Variants in WWOX observed in about 807,000 individuals in gnomAD.
WWOX encodes the protein WW domain-containing oxidoreductase.
In WWOX, 69 loss-of-function variants were observed where a neutral mutation model predicts 46.2. The observed-to-expected ratio is 1.49, with a 90% CI of 1.23 to 1.82. The LOEUF (loss-of-function observed/expected upper bound fraction) is 1.82, where lower values mean the gene tolerates loss of function less well. WWOX is among the 40% of genes most tolerant of loss of function. WWOX has a pLI of 0.00. For missense variants in WWOX, 919 were observed against 542.6 expected (o/e 1.69, Z -6.89); for synonymous variants, 359 against 202.6 (o/e 1.77, Z -6.56).
intron 8 of WWOX, among the ~76,000 whole-genome samples, chr16:78,833,366 C>T (rs2051885288): frequency 6.6e-6 from 1 of 152,126 alleles, no homozygotes; most frequent in Non-Finnish European, 1.5e-5. Flanking sequence ...CTCTTTCCTG[C>T]ATACAGCTTG....
rs138537937 is a variant in WWOX at position 78,130,881 on chromosome 16, G to C, written c.409+15727G>C. 2.1e-3 allele frequency among the ~76,000 whole-genome samples: 314 copies of C among 152,320 alleles called. 2 individuals are homozygous for C. Among genetic ancestry groups the C allele is most frequent in the African/African-American group, 7.0e-3 (291 of 41,548 alleles). ...GAATGACAGAGATATGATCTGAGAA[G>C]TGTGTCAGGCAGTGTCATCGTTGTG... is the stretch of plus-strand genomic sequence containing the variant. On this transcript the variant is annotated intron_variant, in intron 4 of 8. Transcript: ENST00000566780.
intron 5 of WWOX, among the ~76,000 whole-genome samples, chr16:78,280,442 A>G (rs2079655901): frequency 6.6e-6 from 1 of 152,248 alleles, no homozygotes; most frequent in Non-Finnish European, 1.5e-5. Context: ...CGTTACCTGT[A>G]GGATATGTAT....
rs563530431 is a variant in WWOX, at chr16:78,525,978, G to A, written c.1056+93226G>A. The A allele has an allele frequency of 3.9e-5, 6 of 152,266 alleles. No homozygotes were observed. In the East Asian group the frequency reaches 9.7e-4, roughly 25 times the overall value. The allele number at this position is 152,266 out of a possible 1,614,324, so 9.4% of individuals were successfully genotyped here. A position where few individuals can be genotyped will look rare whatever the true frequency, so the allele number is the denominator to read the frequency against. On this transcript the variant is annotated intron_variant, in intron 8 of 8. Coordinates refer to ENST00000566780, the MANE Select transcript of WWOX (RefSeq NM_016373.4). The stretch of plus-strand genomic sequence containing the variant: ...GAACATTGTATTTTATGGTTGCAGA[G>A]CACATGTATCATCCTATCTGCTTCT...
chr16:78,873,876 C>T (rs1003029196), intron 8 of WWOX, among the ~76,000 whole-genome samples: 6 of 151,980 alleles, frequency 3.9e-5, no homozygotes, highest in African/African-American at 7.2e-5. Context: ...GGGAGTATAG[C>T]GAGGGGCAAT....
intron 8 of WWOX, among the ~76,000 whole-genome samples, chr16:78,495,003 G>A (rs1356400586): frequency 6.6e-6 from 1 of 152,062 alleles, no homozygotes; most frequent in Non-Finnish European, 1.5e-5. Flanking sequence ...AAACCCAGGG[G>A]GTCAAGCCCC....
At chr16:78,752,625 C>G (rs2049513721) in intron 8 of WWOX, among the ~76,000 whole-genome samples, 1 of 152,168 alleles carries the variant, frequency 6.6e-6, no homozygotes, top group Non-Finnish European at 1.5e-5. Flanking sequence ...TTTTTAAACT[C>G]ACTTTCAAAT....
At chr16:78,716,134 A>C (rs1204703777) in intron 8 of WWOX, among the ~76,000 whole-genome samples, 1 of 152,156 alleles carries the variant, frequency 6.6e-6, no homozygotes. Flanking sequence ...CAATATGCAC[A>C]TAAAGGGGAA....
chr16:78,462,132 T>A (rs1393295794), intron 8 of WWOX, among the ~76,000 whole-genome samples: 1 of 152,260 alleles, frequency 6.6e-6, no homozygotes, highest in Non-Finnish European at 1.5e-5. Context: ...CAAGTTCCTC[T>A]GAGTATTACA....
At chr16:78,791,457 C>T (rs1363426290) in intron 8 of WWOX, among the ~76,000 whole-genome samples, 6 of 152,272 alleles carry the variant, frequency 3.9e-5, no homozygotes, top group East Asian at 1.9e-4. Context: ...CCAGGGCTGG[C>T]TGAGTGACTC....
chr16:78,117,731 G>C (rs1403952436), intron 4 of WWOX, among the ~76,000 whole-genome samples: 2 of 152,158 alleles, frequency 1.3e-5, no homozygotes, highest in Non-Finnish European at 2.9e-5. Flanking sequence ...TGAATGCCGA[G>C]TGAGTGAATT....
At chr16:78,939,214 C>A (rs1241646890) in intron 8 of WWOX, among the ~76,000 whole-genome samples, 4 of 152,084 alleles carry the variant, frequency 2.6e-5, no homozygotes, top group Non-Finnish European at 4.4e-5. Context: ...CATGGAGCAT[C>A]TTCTGTCTGC....
Position 78,818,015 on chromosome 16 carries a change from C to T in WWOX, c.1056+385263C>T, listed in dbSNP as rs148585040. 8.2e-3 allele frequency among the ~76,000 whole-genome samples: 1,256 copies of T among 152,280 alleles called. 12 individuals are homozygous for T. The highest frequency in any genetic ancestry group is 0.028 in the African/African-American group (1,181 of 41,554). ...AAGATGGAGTGGGCAGAGGGAGAAG[C>T]TGACTGAGATGGAGTCCAGCAAGGG... On this transcript the variant is annotated intron_variant, in intron 8 of 8. Transcript: ENST00000566780.
intron 8 of WWOX, among the ~76,000 whole-genome samples, chr16:78,655,983 G>T (rs1434767467): frequency 2.0e-5 from 3 of 152,000 alleles, no homozygotes; most frequent in Non-Finnish European, 4.4e-5. Context: ...TTGCCAGGGG[G>T]AAAAAAAGAG....
At position 79,042,970 on chromosome 16, in the gene WWOX, ACTGT is replaced by A. The variant is rs569635866; in HGVS notation, c.1057-168634_1057-168631del. ...ATGCCCTCATTTCTCATCCTTCTTGACTGTCTGCTAAGATTCACTCTTGGTCTTG... is the reference window on the plus strand; with the variant it reads ...ATGCCCTCATTTCTCATCCTTCTTGACTGCTAAGATTCACTCTTGGTCTTG... On this transcript the variant is annotated intron_variant, in intron 8 of 8. Coordinates refer to ENST00000566780, the MANE Select transcript of WWOX (RefSeq NM_016373.4). Among the ~76,000 whole-genome samples the A allele has an allele frequency of 4.1e-4, 62 of 152,152 alleles. 1 individual carries two copies. The South Asian group carries it at 4.8e-3, about 12-fold the overall frequency.
At chr16:78,428,286 T>G (rs1033271275) in intron 7 of WWOX, among the ~76,000 whole-genome samples, 1 of 152,226 alleles carries the variant, frequency 6.6e-6, no homozygotes, top group African/African-American at 2.4e-5. Context: ...AAGAGTTGTT[T>G]TACTACCTCT....
At chr16:78,116,249 C>CT (rs1300877426) in intron 4 of WWOX, among the ~76,000 whole-genome samples, 1 of 152,134 alleles carries the variant, frequency 6.6e-6, no homozygotes, top group Non-Finnish European at 1.5e-5. Context: ...CTTATTCTTT[C>CT]TTTCTATCTT....
intron 8 of WWOX, among the ~76,000 whole-genome samples, chr16:78,774,380 A>G (rs1293712685): frequency 6.6e-6 from 1 of 152,170 alleles, no homozygotes. Context: ...CAGTCTGGTG[A>G]CAGAGCGAGA....
chr16:79,146,059 G>A (rs768068627), intron 8 of WWOX, among the ~76,000 whole-genome samples: 6 of 152,008 alleles, frequency 3.9e-5, no homozygotes, highest in African/African-American at 9.7e-5. Context: ...CATAAATACC[G>A]GTAGAACTTG....
At chr16:79,117,880 G>T (rs928931342) in intron 8 of WWOX, among the ~76,000 whole-genome samples, 1 of 152,210 alleles carries the variant, frequency 6.6e-6, no homozygotes, top group Non-Finnish European at 1.5e-5. Flanking sequence ...CTCTGGATTA[G>T]ATTTTGGCTT....
Sources: gnomAD v4.1 joint callset for allele counts (sites outside exome capture counted in the v4.1 genomes callset) on GRCh38, gnomAD v4.1.1 for gene constraint, MANE v1.5 for transcripts, NCBI Gene and HGNC (gene_info 2026-07-23, HGNC 2026-07-21) for gene names.